The following C12orf76 variants were observed in gnomAD, a reference collection of about 807,000 sequenced individuals.
C12orf76 encodes the protein uncharacterized protein C12orf76.
A neutral mutation model predicts 6.8 loss-of-function variants in C12orf76; 6 were observed. That is an observed-to-expected ratio of 0.88 (90% CI 0.48 to 1.73). The LOEUF (loss-of-function observed/expected upper bound fraction) is 1.73. Ranked by LOEUF, C12orf76 falls within the 40% of genes most tolerant of loss-of-function variation. The pLI, the probability that C12orf76 is intolerant of heterozygous loss-of-function variation, is 0.01. For missense variants in C12orf76, 99 were observed against 98.2 expected (o/e 1.01, Z -0.03); for synonymous variants, 56 against 43.7 (o/e 1.28, Z -1.11).
intron 2 of C12orf76, chr12:110,059,243 A>C: frequency 7.0e-7 from 1 of 1,435,004 alleles, no homozygotes; most frequent in East Asian, 2.5e-5. Context: ...GAATTGGTTA[A>C]TTAGCTCTAT....
chr12:110,061,462 A>G lies in C12orf76; in HGVS notation n.381-2299T>C, dbSNP rs116317172. Among the ~76,000 whole-genome samples the G allele has an allele frequency of 9.2e-3, 1,395 of 151,482 alleles. 29 individuals are homozygous for G. The highest frequency in any genetic ancestry group is 0.032 in the African/African-American group (1,330 of 41,244). On this transcript the variant is annotated intron_variant and non_coding_transcript_variant, in intron 2 of 4. Transcript: ENST00000309050. ...TCAGCTTTCCTATCTGGACAACCCA[A>G]TGGTCTCCTAAATGGTCTCCTTTCC...
intron 2 of C12orf76, chr12:110,059,193 T>C: frequency 6.5e-7 from 1 of 1,534,074 alleles, no homozygotes; most frequent in Non-Finnish European, 8.8e-7. Context: ...ACACACACAA[T>C]TAATTTTTGT....
At chr12:110,055,702 A>C (rs1482106708) in intron 4 of C12orf76, among the ~76,000 whole-genome samples, 1 of 152,118 alleles carries the variant, frequency 6.6e-6, no homozygotes, top group African/African-American at 2.4e-5. Context: ...GGAGTTTTTA[A>C]GGATAACTTG....
intron 1 of C12orf76, chr12:110,066,074 G>A: frequency 8.1e-6 from 12 of 1,475,716 alleles, no homozygotes; most frequent in Non-Finnish European, 1.1e-5. Flanking sequence ...CAGACCTCAT[G>A]TTTCTATTTC....
chr12:110,051,895 G>A (rs993357215), upstream of C12orf76, among the ~76,000 whole-genome samples: 30 of 149,318 alleles, frequency 2.0e-4, no homozygotes, highest in Non-Finnish European at 3.6e-4. Context: ...ATTGAAAATG[G>A]CAGCTACTCT....
At chr12:110,073,567 G>C (rs1371168996) in exon 1 of C12orf76, 3 of 499,908 alleles carry the variant, frequency 6.0e-6, no homozygotes, top group African/African-American at 1.9e-5. Flanking sequence ...CTTCCTGCGC[G>C]GGGCTGGACC....
At chr12:110,064,565 C>T (rs893569144) in intron 2 of C12orf76, among the ~76,000 whole-genome samples, 3 of 152,152 alleles carry the variant, frequency 2.0e-5, no homozygotes, top group Admixed American at 6.5e-5. Flanking sequence ...ATGAAAATAG[C>T]GTAAAACCTT....
chr12:110,050,576 C>G (rs1404492158), upstream of C12orf76: 1 of 173,998 alleles, frequency 5.7e-6, no homozygotes, highest in Non-Finnish European at 1.2e-5. Context: ...GACCTCTGGT[C>G]GTCCTCACTG....
At chr12:110,052,216 C>T (rs1221650726), upstream of C12orf76, among the ~76,000 whole-genome samples, 23 of 144,864 alleles carry the variant, frequency 1.6e-4, no homozygotes, top group East Asian at 1.6e-3. Context: ...TTTTTTGAGA[C>T]GGAGTCTCGC....
chr12:110,059,801 G>A (rs1892739413), intron 2 of C12orf76, among the ~76,000 whole-genome samples: 1 of 152,160 alleles, frequency 6.6e-6, no homozygotes, highest in Non-Finnish European at 1.5e-5. Flanking sequence ...GTTTGAAGAA[G>A]AGGAGAGACA....
chr12:110,053,022 G>A (rs1286053136), upstream of C12orf76, among the ~76,000 whole-genome samples: 1 of 151,944 alleles, frequency 6.6e-6, no homozygotes, highest in Non-Finnish European at 1.5e-5. Context: ...CCAACATGGC[G>A]AAACCCTGTC....
chr12:110,068,267 A>AGAAGAG (rs1892907630), upstream of C12orf76, among the ~76,000 whole-genome samples: 7 of 123,394 alleles, frequency 5.7e-5, no homozygotes, highest in African/African-American at 2.0e-4. Flanking sequence ...AAGAAGAAGA[A>AGAAGAG]GAAGAAGAAG....
chr12:110,050,036 G>A (rs937141590), upstream of C12orf76: 4 of 152,216 alleles, frequency 2.6e-5, no homozygotes, highest in East Asian at 1.9e-4. Context: ...GTAGCTTGCC[G>A]ATGCTGCCAG....
intron 2 of C12orf76, among the ~76,000 whole-genome samples, chr12:110,061,980 AG>A (rs1418432528): frequency 6.6e-6 from 1 of 151,752 alleles, no homozygotes; most frequent in Non-Finnish European, 1.5e-5. Flanking sequence ...AGAGGATATT[AG>A]GGCCCAGCGT....
chr12:110,062,829 T>C (rs1892796091), intron 2 of C12orf76, among the ~76,000 whole-genome samples: 1 of 132,258 alleles, frequency 7.6e-6, no homozygotes, highest in Admixed American at 8.3e-5. Context: ...AGATGGGATC[T>C]CAATTTGTTG....
chr12:110,049,625 G>C (rs1476309164), upstream of C12orf76: 2 of 152,150 alleles, frequency 1.3e-5, no homozygotes, highest in Non-Finnish European at 2.9e-5. Context: ...CAGTTAGGGT[G>C]GGGCAGAAAC....
chr12:110,048,680 C>G (rs572719226), upstream of C12orf76: 4,226 of 1,257,548 alleles, frequency 3.4e-3, 8 homozygotes, highest in Non-Finnish European at 4.0e-3. Context: ...TCCTCAATAA[C>G]TAATGTTTCC....
intron 2 of C12orf76, among the ~76,000 whole-genome samples, chr12:110,060,830 G>A (rs768775308): frequency 1.2e-4 from 18 of 152,106 alleles, no homozygotes; most frequent in Non-Finnish European, 2.4e-4. Context: ...GAGGCCAGGA[G>A]TTCAAGACCA....
upstream of C12orf76, among the ~76,000 whole-genome samples, chr12:110,054,283 C>T (rs117545611): frequency 6.8e-3 from 1,040 of 152,264 alleles, 1 homozygote; most frequent in Non-Finnish European, 9.4e-3. This position sits in a 1 kb window ranked among gnomAD's most constrained non-coding sequence, Gnocchi z 4.4. Flanking sequence ...CAGCACTATT[C>T]ACATAACCCA....
Sources: gnomAD v4.1 joint callset for allele counts (sites outside exome capture counted in the v4.1 genomes callset) on GRCh38, gnomAD v4.1.1 for gene constraint, Gnocchi (gnomAD v3.1) non-coding constraint, MANE v1.5 for transcripts, NCBI Gene and HGNC (gene_info 2026-07-23, HGNC 2026-07-21) for gene names.